Variants in GPATCH8 observed in about 807,000 individuals in gnomAD.
GPATCH8 encodes G patch domain-containing protein 8.
Under a neutral mutation model 118.3 loss-of-function variants are expected in GPATCH8, and 18 were observed. That is an observed-to-expected ratio of 0.15 (90% CI 0.11 to 0.23). GPATCH8 has a LOEUF of 0.23. Among genes scored for constraint, GPATCH8 ranks in the 10% least tolerant of loss-of-function variants. The probability of loss-of-function intolerance (pLI) is 1.00; values close to 1 mark genes in which losing one functional copy is unlikely to be tolerated. For missense variants in GPATCH8, 1,631 were observed against 1,873.8 expected (o/e 0.87, Z 2.39); for synonymous variants, 659 against 684.7 (o/e 0.96, Z 0.59).
At chr17:44,470,788 G>A (rs1395234842) in intron 2 of GPATCH8, among the ~76,000 whole-genome samples, 1 of 152,198 alleles carries the variant, frequency 6.6e-6, no homozygotes, top group Non-Finnish European at 1.5e-5. Context: ...GATTACAGGC[G>A]TGAGCCCCTG....
chr17:44,498,789 T>G (rs1969853534), intron 1 of GPATCH8, among the ~76,000 whole-genome samples: 1 of 152,186 alleles, frequency 6.6e-6, no homozygotes, highest in Admixed American at 6.6e-5. Flanking sequence ...AAAAACGATT[T>G]AAAACACTTG....
intron 1 of GPATCH8, among the ~76,000 whole-genome samples, chr17:44,475,462 G>T (rs1010386124): frequency 1.3e-5 from 2 of 151,966 alleles, no homozygotes; most frequent in African/African-American, 2.4e-5. Flanking sequence ...ACTTTGGGAG[G>T]CCGAGGCAGG....
intron 6 of GPATCH8, among the ~76,000 whole-genome samples, chr17:44,420,881 A>T (rs1487882822): frequency 6.6e-6 from 1 of 152,076 alleles, no homozygotes; most frequent in African/African-American, 2.4e-5. Flanking sequence ...TATTTTTGAG[A>T]TGGAGTCTTG....
chr17:44,503,282 TAG>T, intron 1 of GPATCH8, 42 bp downstream of exon 1: 1 of 1,559,592 alleles, frequency 6.4e-7, no homozygotes, highest in East Asian at 2.3e-5. Flanking sequence ...GGTTCTGGGC[TAG>T]ACCAGCGCCT....
At position 44,398,384 on chromosome 17, in the gene GPATCH8, G is replaced by A. The variant is rs765468740; in HGVS notation, c.3693C>T (p.Asp1231=). Residue 1231 remains aspartate, a synonymous_variant, in exon 8 of 8, where the codon GAC becomes GAT. Transcript: ENST00000591680. ...VAPLGTPAHS[D]CYPGDPTISH... is the part of the protein sequence containing the mutation. ...AGATGGTTGGGTCCCCAGGGTAGCA[G>A]TCAGAATGTGCTGGGGTGCCTAGTG... 4 of 1,614,066 alleles carry A rather than the reference G, an allele frequency of 2.5e-6. No individual in the cohort carries two copies. The South Asian group carries it at 4.4e-5, about 18-fold the overall frequency.
In GPATCH8 at chr17:44,451,244, C is replaced by G. The variant is rs146322954; in HGVS notation, c.193+13228G>C. On this transcript the variant is annotated intron_variant, in intron 3 of 7. Coordinates refer to ENST00000591680, the MANE Select transcript of GPATCH8 (RefSeq NM_001002909.4). ...AAGTAGCTGGGATTACAGGCGTGCA[C>G]CAACATGCCTGGCTAATTTTTGTAT... 2.6e-5 allele frequency among the ~76,000 whole-genome samples: 4 copies of G among 152,084 alleles called. No homozygotes were observed. In the East Asian group the frequency reaches 7.7e-4, roughly 29 times the overall value.
At chr17:44,500,496 C>A (rs1250190457) in intron 1 of GPATCH8, among the ~76,000 whole-genome samples, 1 of 152,144 alleles carries the variant, frequency 6.6e-6, no homozygotes. Flanking sequence ...TAACTTTTCA[C>A]TATATATACA....
In GPATCH8 at chr17:44,396,297, C is replaced by T. The variant is rs1410451764; in HGVS notation, c.*1271G>A. 6.6e-6 allele frequency: 3 copies of T among 454,404 alleles called. No individual in the cohort carries two copies. The highest frequency in any genetic ancestry group is 1.3e-5 in the Non-Finnish European group (3 of 226,800). 28.1% of individuals were successfully genotyped at this position (454,404 alleles called of 1,614,324 possible). A position where few individuals can be genotyped will look rare whatever the true frequency, so the allele number is the denominator to read the frequency against. On this transcript the variant is annotated 3_prime_UTR_variant, in exon 8 of 8. Transcript: ENST00000591680. ...AATAAAGCTGTTGAATCCCCTCCTT[C>T]TCCTCTGTGGGGTCTACCTGTTTCT...
rs143308864 is a variant in GPATCH8, at chr17:44,399,615, T to C, written c.2462A>G (p.Asp821Gly). Residue 821 changes from aspartate (D) to glycine (G), a missense_variant, in exon 8 of 8, where the codon GAT (aspartate) becomes GGT (glycine). Coordinates refer to ENST00000591680, the MANE Select transcript of GPATCH8 (RefSeq NM_001002909.4). ...SQPSSGDEDS[D>G]DASSHRLHQK... ...GTGCAGCCGGTGTGAGGAAGCATCA[T>C]CACTATCCTCATCTCCACTACTGGG... 1.2e-5 allele frequency: 19 copies of C among 1,614,050 alleles called. No individual in the cohort carries two copies. Among genetic ancestry groups the C allele is most frequent in the Non-Finnish European group, 1.6e-5 (19 of 1,180,012 alleles).
At chr17:44,437,885 C>T (rs1047891042) in intron 3 of GPATCH8, among the ~76,000 whole-genome samples, 1 of 141,546 alleles carries the variant, frequency 7.1e-6, no homozygotes, top group African/African-American at 2.7e-5. Context: ...TTAGAATTAT[C>T]ACAGTAAAAA....
intron 6 of GPATCH8, among the ~76,000 whole-genome samples, chr17:44,413,616 T>C (rs560102613): frequency 6.7e-5 from 10 of 149,786 alleles, no homozygotes; most frequent in East Asian, 1.9e-4. Flanking sequence ...GCTGGGACCA[T>C]AGATGCGTGC....
Position 44,397,445 on chromosome 17 carries a change from A to T in GPATCH8, c.*123T>A. The T allele has an allele frequency of 1.3e-6, 1 of 754,306 alleles. No individual in the cohort carries two copies. The allele number at this position is 754,306 out of a possible 1,614,324, so 46.7% of individuals were successfully genotyped here. ...ACCCACCCCTGCAAGCCAAAACTCA[A>T]TTCTTTGGCTGTCAGACACTGCCCA... On this transcript the variant is annotated 3_prime_UTR_variant, in exon 8 of 8. Coordinates refer to ENST00000591680, the MANE Select transcript of GPATCH8 (RefSeq NM_001002909.4).
rs2048765043 is a variant in GPATCH8, at chr17:44,395,957, T to C, written c.*1611A>G. ...GGGGCAAAAGAGGCTGAGGTGGTAA[T>C]TCCTCTTGTCAGTGTCATGGGAGAA... On this transcript the variant is annotated 3_prime_UTR_variant, in exon 8 of 8. Transcript: ENST00000591680. 1 of 454,240 alleles carries C rather than the reference T, an allele frequency of 2.2e-6. No homozygotes were observed. Among genetic ancestry groups the C allele is most frequent in the Non-Finnish European group, 4.4e-6 (1 of 226,744 alleles). 28.1% of individuals were successfully genotyped at this position (454,240 alleles called of 1,614,324 possible).
At chr17:44,497,953 AAAAAG>A (rs2144501091) in intron 1 of GPATCH8, among the ~76,000 whole-genome samples, 1 of 152,208 alleles carries the variant, frequency 6.6e-6, no homozygotes, top group Non-Finnish European at 1.5e-5. Flanking sequence ...AAAAAAAGAA[AAAAAG>A]AAAAGAAAAA....
intron 1 of GPATCH8, among the ~76,000 whole-genome samples, chr17:44,492,047 C>A (rs1275753511): frequency 6.6e-6 from 1 of 152,104 alleles, no homozygotes; most frequent in Non-Finnish European, 1.5e-5. Context: ...TGCCTGTAAT[C>A]CCAGCAATTT....
At chr17:44,467,066 G>T in intron 2 of GPATCH8, 2 of 1,151,306 alleles carry the variant, frequency 1.7e-6, no homozygotes, top group Non-Finnish European at 2.3e-6. Context: ...CAAAAGCAGT[G>T]CAAGTGGAGT....
chr17:44,484,389 T>C (rs766182100), intron 1 of GPATCH8, among the ~76,000 whole-genome samples: 9 of 152,204 alleles, frequency 5.9e-5, no homozygotes, highest in Non-Finnish European at 1.3e-4. Flanking sequence ...TAAGGTTATA[T>C]GAAACTTTTT....
intron 3 of GPATCH8, among the ~76,000 whole-genome samples, chr17:44,445,193 G>GA (rs2050834270): frequency 6.6e-6 from 1 of 151,838 alleles, no homozygotes; most frequent in African/African-American, 2.4e-5. Context: ...AAATGTTTAA[G>GA]AAAAAAATAC....
intron 3 of GPATCH8, among the ~76,000 whole-genome samples, chr17:44,446,610 T>C (rs1274647392): frequency 6.6e-6 from 1 of 151,986 alleles, no homozygotes; most frequent in African/African-American, 2.4e-5. Context: ...ACTTCACAAT[T>C]CTAAAGTTTG....
Sources: gnomAD v4.1 joint callset for allele counts (sites outside exome capture counted in the v4.1 genomes callset) on GRCh38, gnomAD v4.1.1 for gene constraint, MANE v1.5 for transcripts, NCBI Gene and HGNC (gene_info 2026-07-23, HGNC 2026-07-21) for gene names.